GRM1: variants seen among roughly 807,000 people sequenced by gnomAD.
GRM1 encodes the protein metabotropic glutamate receptor 1.
A neutral mutation model predicts 90.9 loss-of-function variants in GRM1; 33 were observed. The ratio of observed to expected loss-of-function variants is 0.36; its 90% CI spans 0.28 to 0.49. The LOEUF (loss-of-function observed/expected upper bound fraction) is 0.49, where lower values mean the gene tolerates loss of function less well. GRM1 is among the 20% of genes least tolerant of loss of function. GRM1 has a pLI of 0.99. For missense variants in GRM1, 1,190 were observed against 1,534.3 expected, an observed-to-expected ratio of 0.78 and a Z score of 3.75; for synonymous variants, 700 against 613.2, an observed-to-expected ratio of 1.14 and a Z score of -2.09.
intron 1 of GRM1, among the ~76,000 whole-genome samples, chr6:146,098,544 C>T (rs908236239): frequency 2.6e-5 from 4 of 152,074 alleles, no homozygotes; most frequent in African/African-American, 4.8e-5. Flanking sequence ...TATAACTAAA[C>T]GTGTTGTATA....
chr6:146,100,076 GCTAA>G (rs1777000824), intron 1 of GRM1, among the ~76,000 whole-genome samples: 1 of 152,028 alleles, frequency 6.6e-6, no homozygotes, highest in Admixed American at 6.6e-5. Context: ...AGTGTTTAGT[GCTAA>G]CTCATTTTGT....
intron 6 of GRM1, among the ~76,000 whole-genome samples, chr6:146,397,713 T>G (rs559823790): frequency 2.0e-5 from 3 of 152,174 alleles, no homozygotes; most frequent in South Asian, 2.1e-4. Flanking sequence ...TAGTTGGCAC[T>G]CATTTATTGA....
chr6:146,257,552 C>CAT (rs952668075), intron 2 of GRM1, among the ~76,000 whole-genome samples: 3 of 129,844 alleles, frequency 2.3e-5, no homozygotes, highest in Non-Finnish European at 4.5e-5. Context: ...TATGTGTGTA[C>CAT]ATATATATAT....
At position 146,125,065 on chromosome 6, in the gene GRM1, T is replaced by A. The variant is rs140171578; in HGVS notation, c.701-34283T>A. Among the ~76,000 whole-genome samples, 492 of 152,260 alleles carry A rather than the reference T, an allele frequency of 3.2e-3. 4 individuals carry two copies. The highest frequency in any genetic ancestry group is 0.011 in the African/African-American group (473 of 41,586). On this transcript the variant is annotated intron_variant, in intron 1 of 7. Transcript: ENST00000282753. ...TGGTGTTACTTGTTGTCACTCCAAA[T>A]AGGTTTGAGATCAAGAATGACCCAG...
intron 2 of GRM1, among the ~76,000 whole-genome samples, chr6:146,238,516 T>C (rs1181144518): frequency 1.3e-5 from 2 of 152,190 alleles, no homozygotes; most frequent in East Asian, 1.9e-4. Context: ...TCTAAAAAAT[T>C]TTTTTAGAAA....
intron 1 of GRM1, among the ~76,000 whole-genome samples, chr6:146,145,480 G>A (rs751616629): frequency 2.6e-5 from 4 of 152,286 alleles, no homozygotes; most frequent in East Asian, 1.9e-4. Context: ...AGCACACTGC[G>A]CAGCTGCTCA....
intron 2 of GRM1, among the ~76,000 whole-genome samples, chr6:146,286,721 GA>G (rs1782778187): frequency 6.6e-6 from 1 of 152,220 alleles, no homozygotes; most frequent in Non-Finnish European, 1.5e-5. Flanking sequence ...GGAACTTGAA[GA>G]TCCACTTTTA....
chr6:146,415,515 A>G (rs571477326), intron 7 of GRM1, among the ~76,000 whole-genome samples: 3 of 152,188 alleles, frequency 2.0e-5, no homozygotes, highest in Non-Finnish European at 4.4e-5. Context: ...TCAACTGAAC[A>G]TACGTTTAGT....
chr6:146,181,799 G>A (rs76698189), intron 2 of GRM1, among the ~76,000 whole-genome samples: 1 of 152,050 alleles, frequency 6.6e-6, no homozygotes, highest in African/African-American at 2.4e-5. Flanking sequence ...AAAGAGAGGT[G>A]AATAAATATG....
At chr6:146,119,354 T>C (rs933228318) in intron 1 of GRM1, among the ~76,000 whole-genome samples, 2 of 152,234 alleles carry the variant, frequency 1.3e-5, no homozygotes, top group African/African-American at 4.8e-5. Flanking sequence ...TTTTGTCAGA[T>C]GAGTAGATTG....
intron 1 of GRM1, among the ~76,000 whole-genome samples, chr6:146,099,731 T>C (rs79206051): frequency 0.023 from 3,456 of 152,356 alleles, 53 homozygotes; most frequent in Non-Finnish European, 0.036. Context: ...GACTTTAGTT[T>C]GTCCATTCAT....
At chr6:146,406,893 A>C (rs1777367386) in intron 7 of GRM1, among the ~76,000 whole-genome samples, 1 of 152,154 alleles carries the variant, frequency 6.6e-6, no homozygotes, top group African/African-American at 2.4e-5. Context: ...AGAAGAAGAA[A>C]GAAGGGTATT....
At chr6:146,203,819 T>C (rs1165996140) in intron 2 of GRM1, among the ~76,000 whole-genome samples, 1 of 152,236 alleles carries the variant, frequency 6.6e-6, no homozygotes, top group African/African-American at 2.4e-5. Flanking sequence ...GAAAATATTA[T>C]GAAAAACTTT....
chr6:146,076,482 A>G (rs895974891), intron 1 of GRM1, among the ~76,000 whole-genome samples: 7 of 152,098 alleles, frequency 4.6e-5, no homozygotes, highest in African/African-American at 1.7e-4. Context: ...TACTGGATGG[A>G]TTCTGGGTAG....
At chr6:146,410,170 A>T (rs1583459764) in intron 7 of GRM1, among the ~76,000 whole-genome samples, 1 of 152,156 alleles carries the variant, frequency 6.6e-6, no homozygotes, top group East Asian at 1.9e-4. Flanking sequence ...GAGAACAGGG[A>T]TGCTGTCAGC....
intron 1 of GRM1, among the ~76,000 whole-genome samples, chr6:146,051,711 A>G (rs1263037203): frequency 6.6e-6 from 1 of 152,092 alleles, no homozygotes; most frequent in Admixed American, 6.6e-5. Flanking sequence ...AAGACATCAA[A>G]GGTTATTCCT....
rs555003884 is a variant in GRM1 at position 146,146,028 on chromosome 6, T to G, written c.701-13320T>G. Among the ~76,000 whole-genome samples the G allele has an allele frequency of 2.9e-4, 43 of 149,194 alleles. No individual in the cohort carries two copies. The South Asian group carries it at 8.6e-3, about 30-fold the overall frequency. On this transcript the variant is annotated intron_variant, in intron 1 of 7. Transcript: ENST00000282753. ...TTGGGTTTCAGACTTTCCTAAGGCCTCTTAACACTTTCTTTTGGCTTATTT... is the reference window on the plus strand; with the variant it reads ...TTGGGTTTCAGACTTTCCTAAGGCCGCTTAACACTTTCTTTTGGCTTATTT...
At chr6:146,302,290 G>A (rs1009084) in intron 2 of GRM1, among the ~76,000 whole-genome samples, 1,690 of 149,158 alleles carry the variant, frequency 0.011, 69 homozygotes, top group East Asian at 0.079. Flanking sequence ...ACAGGCGTGC[G>A]TGCACACACA....
At chr6:146,246,264 G>A (rs896624457) in intron 2 of GRM1, among the ~76,000 whole-genome samples, 1 of 152,168 alleles carries the variant, frequency 6.6e-6, no homozygotes, top group Non-Finnish European at 1.5e-5. Context: ...GACACTGCCA[G>A]GGCTTGACCA....
Sources: allele counts gnomAD v4.1 joint callset (sites outside exome capture counted in the v4.1 genomes callset), GRCh38; gene constraint gnomAD v4.1.1; transcripts MANE v1.5; gene names NCBI Gene and HGNC (gene_info 2026-07-23, HGNC 2026-07-21).